Variants in AIM2 observed in about 807,000 individuals in gnomAD.
AIM2 encodes the protein absent in melanoma 2, also known as interferon-inducible protein AIM2.
AIM2 carries 30 observed loss-of-function variants against 27.7 expected under a neutral mutation model. The observed-to-expected ratio is 1.08, with a 90% CI of 0.81 to 1.47. The LOEUF is 1.47. AIM2 is among the 40% of genes most tolerant of loss of function. AIM2 has a pLI of 0.00. For missense variants in AIM2, 358 were observed against 411.3 expected, an observed-to-expected ratio of 0.87 and a Z score of 1.12; for synonymous variants, 141 against 145.3, an observed-to-expected ratio of 0.97 and a Z score of 0.21.
In AIM2 at chr1:159,117,580, T is replaced by C. The variant is rs145775509; in HGVS notation, c.-16+22851A>G. Reference sequence around the variant, plus strand: ...TCTCCTAAATTAGTGGATTATTCTTTGGACAAGGAAAAAATATGGAAGACA... The same window carrying C: ...TCTCCTAAATTAGTGGATTATTCTTCGGACAAGGAAAAAATATGGAAGACA... On this transcript the variant is annotated intron_variant, in intron 1 of 2. Coordinates refer to the AIM2 transcript ENST00000368129. 8.3e-3 allele frequency among the ~76,000 whole-genome samples: 1,262 copies of C among 152,222 alleles called. 14 individuals are homozygous for C. Among genetic ancestry groups the C allele is most frequent in the South Asian group, 0.016 (78 of 4,826 alleles).
In AIM2 at chr1:159,066,062, TTACCTC is replaced by T; in HGVS notation, c.658_663del (p.Glu220_Val221del). On this transcript the variant is annotated inframe_deletion, in exon 4 of 6. Coordinates refer to ENST00000368130, the MANE Select transcript of AIM2 (RefSeq NM_004833.3). The stretch of plus-strand genomic sequence containing the variant: ...GCATCTAACACACGTGAGGCGCTAT[TTACCTC>T]TAAGAAACCACTGTGCCGATAATAT... 6.2e-7 allele frequency: 1 copy of T among 1,614,176 alleles called. No individual in the cohort carries two copies.
At chr1:159,074,684 A>G (rs932567492) in intron 1 of AIM2, among the ~76,000 whole-genome samples, 1 of 152,064 alleles carries the variant, frequency 6.6e-6, no homozygotes. Flanking sequence ...TTTTAGTACC[A>G]CTCCAAGAGA....
At chr1:159,124,165 T>C (rs1473391157) in intron 1 of AIM2, among the ~76,000 whole-genome samples, 1 of 152,222 alleles carries the variant, frequency 6.6e-6, no homozygotes, top group Non-Finnish European at 1.5e-5. Flanking sequence ...TGCTCATTGC[T>C]TACTCTCAAA....
chr1:159,125,783 G>A (rs1247533252), intron 1 of AIM2, among the ~76,000 whole-genome samples: 1 of 152,174 alleles, frequency 6.6e-6, no homozygotes, highest in African/African-American at 2.4e-5. Flanking sequence ...AGAGGAAGGT[G>A]TTTAAGTAAA....
intron 1 of AIM2, among the ~76,000 whole-genome samples, chr1:159,128,315 G>T (rs559999040): frequency 6.6e-6 from 1 of 151,646 alleles, no homozygotes; most frequent in East Asian, 1.9e-4. Context: ...CCATTTTTCT[G>T]CATGACTCTG....
intron 1 of AIM2, among the ~76,000 whole-genome samples, chr1:159,104,285 A>G (rs186104581): frequency 5.9e-5 from 9 of 152,320 alleles, no homozygotes; most frequent in Admixed American, 5.9e-4. Context: ...GGCTGCAGGC[A>G]TGGACTCCAA....
At chr1:159,105,690 G>A (rs1657425055) in intron 1 of AIM2, among the ~76,000 whole-genome samples, 1 of 152,146 alleles carries the variant, frequency 6.6e-6, no homozygotes. Flanking sequence ...ATCCTGATGA[G>A]CTGAGGAGAC....
At chr1:159,126,648 C>CAAAAA (rs35354479) in intron 1 of AIM2, among the ~76,000 whole-genome samples, 12 of 113,656 alleles carry the variant, frequency 1.1e-4, no homozygotes, top group Admixed American at 6.5e-4. Context: ...GACTACGTCT[C>CAAAAA]AAAAAAAAAA....
intron 3 of AIM2, among the ~76,000 whole-genome samples, chr1:159,066,913 T>C (rs1019455669): frequency 6.6e-6 from 1 of 152,136 alleles, no homozygotes; most frequent in Non-Finnish European, 1.5e-5. Flanking sequence ...AAAGGAGAAT[T>C]AATACTACAT....
chr1:159,079,972 G>A (rs1056884118), upstream of AIM2, among the ~76,000 whole-genome samples: 1 of 152,034 alleles, frequency 6.6e-6, no homozygotes, highest in African/African-American at 2.4e-5. Flanking sequence ...CTTTCACTTG[G>A]TAATCTGCAT....
chr1:159,088,425 T>C (rs1656968539), intron 1 of AIM2, among the ~76,000 whole-genome samples: 1 of 152,226 alleles, frequency 6.6e-6, no homozygotes, highest in African/African-American at 2.4e-5. Flanking sequence ...AGCTTCAGTC[T>C]GGTTTTCCCC....
intron 1 of AIM2, among the ~76,000 whole-genome samples, chr1:159,130,739 C>T (rs895611286): frequency 6.6e-6 from 1 of 151,428 alleles, no homozygotes; most frequent in Non-Finnish European, 1.5e-5. Flanking sequence ...AGTCTTTCTC[C>T]AAATTCTTCT....
intron 1 of AIM2, among the ~76,000 whole-genome samples, chr1:159,083,860 C>T (rs16841659): frequency 3.9e-5 from 6 of 152,130 alleles, no homozygotes; most frequent in Non-Finnish European, 8.8e-5. Context: ...TGTGGAAATA[C>T]AAAAAGTGGA....
chr1:159,081,490 C>A, upstream of AIM2: 1 of 518,660 alleles, frequency 1.9e-6, no homozygotes. Flanking sequence ...TTCAGAGCCC[C>A]TCTGACTGCA....
At chr1:159,130,972 T>TG (rs1647858070) in intron 1 of AIM2, among the ~76,000 whole-genome samples, 2 of 152,122 alleles carry the variant, frequency 1.3e-5, no homozygotes, top group Non-Finnish European at 2.9e-5. Flanking sequence ...ACAGACTGCC[T>TG]GGAGTGCTTT....
intron 1 of AIM2, among the ~76,000 whole-genome samples, chr1:159,106,300 T>A (rs915853664): frequency 2.0e-5 from 3 of 152,206 alleles, no homozygotes; most frequent in African/African-American, 7.2e-5. Context: ...GTGGAGCACA[T>A]AGGTCCAGCC....
At chr1:159,093,981 C>A (rs1002316489) in intron 1 of AIM2, among the ~76,000 whole-genome samples, 1 of 151,580 alleles carries the variant, frequency 6.6e-6, no homozygotes, top group Non-Finnish European at 1.5e-5. Flanking sequence ...ACCTCATGAT[C>A]CACCTGCCTC....
chr1:159,072,290 T>C (rs920436831), intron 2 of AIM2, among the ~76,000 whole-genome samples: 1 of 152,256 alleles, frequency 6.6e-6, no homozygotes. Context: ...TATAGAATTA[T>C]GAATGTACAT....
At chr1:159,091,385 T>G (rs1657039253) in intron 1 of AIM2, among the ~76,000 whole-genome samples, 1 of 152,212 alleles carries the variant, frequency 6.6e-6, no homozygotes, top group Non-Finnish European at 1.5e-5. Flanking sequence ...TGTCACGACG[T>G]GCTTTGGCAG....
Sources: gnomAD v4.1 joint callset for allele counts (sites outside exome capture counted in the v4.1 genomes callset) on GRCh38, gnomAD v4.1.1 for gene constraint, MANE v1.5 for transcripts, NCBI Gene and HGNC (gene_info 2026-07-23, HGNC 2026-07-21) for gene names.